The following VPS36 variants were observed in gnomAD, a reference collection of about 807,000 sequenced individuals.
VPS36 encodes the protein vacuolar protein sorting 36 homolog.
A neutral mutation model predicts 63.5 loss-of-function variants in VPS36; 31 were observed. The ratio of observed to expected loss-of-function variants is 0.49; its 90% CI spans 0.37 to 0.66. The LOEUF is 0.66. Among genes scored for constraint, VPS36 ranks in the 30% least tolerant of loss-of-function variants. The pLI, the probability that VPS36 is intolerant of heterozygous loss-of-function variation, is 0.00. For missense variants in VPS36, 338 were observed against 463.7 expected (o/e 0.73, Z 2.49); for synonymous variants, 138 against 157.2 (o/e 0.88, Z 0.91).
chr13:52,432,729 T>C (rs1422471904), intron 6 of VPS36, among the ~76,000 whole-genome samples: 1 of 152,084 alleles, frequency 6.6e-6, no homozygotes, highest in Non-Finnish European at 1.5e-5. Flanking sequence ...AGCTGCCAAT[T>C]TGGGGAAAAT....
At chr13:52,426,758 G>A (rs1958105129) in intron 8 of VPS36, among the ~76,000 whole-genome samples, 1 of 152,204 alleles carries the variant, frequency 6.6e-6, no homozygotes, top group African/African-American at 2.4e-5. Flanking sequence ...GGGACGCTGA[G>A]GCAGGAGAAT....
intron 6 of VPS36, among the ~76,000 whole-genome samples, chr13:52,432,416 A>C (rs1291226502): frequency 2.0e-5 from 3 of 152,230 alleles, no homozygotes; most frequent in Non-Finnish European, 4.4e-5. Flanking sequence ...AAAGATAATA[A>C]GGAAACAATT....
At chr13:52,436,450 AT>A (rs763813696) in intron 3 of VPS36, 46 bp from the exon 4 acceptor site, 1 of 1,285,682 alleles carries the variant, frequency 7.8e-7, no homozygotes, top group African/African-American at 1.5e-5. Context: ...TTTCAAAAAA[AT>A]ATAACTAATT....
chr13:52,428,364 T>A (rs1044379056), intron 6 of VPS36, among the ~76,000 whole-genome samples: 35 of 152,320 alleles, frequency 2.3e-4, no homozygotes, highest in Non-Finnish European at 3.7e-4. Flanking sequence ...AAACATATAA[T>A]AGTGGCTCTG....
intron 5 of VPS36, among the ~76,000 whole-genome samples, chr13:52,434,160 T>C (rs1391701678): frequency 6.6e-6 from 1 of 152,174 alleles, no homozygotes; most frequent in Admixed American, 6.6e-5. Context: ...CTAGTGTTGG[T>C]GATTAATTTA....
Position 52,450,527 on chromosome 13 carries a change from C to T in VPS36, c.68G>A (p.Gly23Glu). Residue 23 changes from glycine (G) to glutamate (E), a missense_variant, in exon 1 of 14, where the codon GGG (glycine) becomes GAG (glutamate). Transcript: ENST00000378060. ...CTCCTCGCCATCGTAGATTCGCACCCCGCGCTGCTGGATCACCAGGGTCTC... is the reference window on the plus strand; with the variant it reads ...CTCCTCGCCATCGTAGATTCGCACCTCGCGCTGCTGGATCACCAGGGTCTC... ...INETLVIQQR[G>E]VRIYDGEEKI... 1.3e-6 allele frequency: 2 copies of T among 1,595,204 alleles called. No individual in the cohort carries two copies. The highest frequency in any genetic ancestry group is 1.7e-6 in the Non-Finnish European group (2 of 1,171,202).
chr13:52,429,862 T>G (rs1419310921), intron 6 of VPS36, among the ~76,000 whole-genome samples: 2 of 151,892 alleles, frequency 1.3e-5, no homozygotes, highest in African/African-American at 2.4e-5. Context: ...AAAGCAACAA[T>G]GTAACCACAG....
At chr13:52,429,740 C>T (rs1337081606) in intron 6 of VPS36, among the ~76,000 whole-genome samples, 1 of 152,138 alleles carries the variant, frequency 6.6e-6, no homozygotes, top group Non-Finnish European at 1.5e-5. Flanking sequence ...AAATAACTTA[C>T]TTTATAAATT....
intron 10 of VPS36, 92 bp from the exon 11 acceptor site, chr13:52,418,148 T>G: frequency 1.7e-6 from 2 of 1,164,512 alleles, no homozygotes; most frequent in Non-Finnish European, 2.4e-6. Context: ...TATCAATAAT[T>G]TTAGGTGATT....
chr13:52,450,398 CG>C, intron 1 of VPS36, 100 bp downstream of exon 1: 1 of 1,333,026 alleles, frequency 7.5e-7, no homozygotes, highest in Non-Finnish European at 9.6e-7. Flanking sequence ...TGAGCTAAGC[CG>C]GGGACCGGGC....
rs1415143815 is a variant in VPS36, at chr13:52,413,684, GA to G, written c.*2145del. ...CTCATGCTCCTAAGAGCAAAGTTAGGAAAACAAAAAAATAATAATTATACCA... is the reference window on the plus strand; with the variant it reads ...CTCATGCTCCTAAGAGCAAAGTTAGGAAACAAAAAAATAATAATTATACCA... On this transcript the variant is annotated 3_prime_UTR_variant, in exon 14 of 14. Transcript: ENST00000378060. 2 of 152,120 alleles carry G rather than the reference GA, an allele frequency of 1.3e-5. No individual in the cohort carries two copies. Among genetic ancestry groups the G allele is most frequent in the Non-Finnish European group, 2.9e-5 (2 of 67,936 alleles). 9.4% of individuals were successfully genotyped at this position (152,120 alleles called of 1,614,324 possible). A position where few individuals can be genotyped will look rare whatever the true frequency, so the allele number is the denominator to read the frequency against.
chr13:52,446,456 G>A (rs1452064210), intron 1 of VPS36, among the ~76,000 whole-genome samples: 1 of 152,264 alleles, frequency 6.6e-6, no homozygotes, highest in East Asian at 1.9e-4. Flanking sequence ...TGAAGAAATT[G>A]TGTAACAGTT....
intron 1 of VPS36, among the ~76,000 whole-genome samples, chr13:52,445,555 C>T (rs936451625): frequency 2.0e-5 from 3 of 146,940 alleles, no homozygotes; most frequent in African/African-American, 5.1e-5. Context: ...AGGAGAATGG[C>T]GTGAACTCGG....
chr13:52,422,727 A>T (rs1378182542), intron 10 of VPS36, among the ~76,000 whole-genome samples: 1 of 152,216 alleles, frequency 6.6e-6, no homozygotes, highest in Non-Finnish European at 1.5e-5. Context: ...CAAAAGAATT[A>T]TCTTGCTCTT....
chr13:52,419,380 A>T (rs1201093904), intron 10 of VPS36, among the ~76,000 whole-genome samples: 1 of 152,254 alleles, frequency 6.6e-6, no homozygotes, highest in Admixed American at 6.5e-5. Context: ...TAACTATTGC[A>T]GAGGAAGGGC....
chr13:52,416,809 C>T (rs1257049478), intron 12 of VPS36, among the ~76,000 whole-genome samples: 1 of 152,146 alleles, frequency 6.6e-6, no homozygotes, highest in Non-Finnish European at 1.5e-5. Flanking sequence ...AAGAAAGCAC[C>T]TCACTCACTA....
intron 10 of VPS36, among the ~76,000 whole-genome samples, chr13:52,420,601 G>A (rs1351864439): frequency 6.6e-6 from 1 of 151,908 alleles, no homozygotes; most frequent in Admixed American, 6.5e-5. Flanking sequence ...CCAAAGTGCT[G>A]GGATTACAGG....
At chr13:52,423,043 C>T (rs1317678667) in intron 10 of VPS36, among the ~76,000 whole-genome samples, 1 of 152,200 alleles carries the variant, frequency 6.6e-6, no homozygotes, top group African/African-American at 2.4e-5. Flanking sequence ...CTGCCACCAT[C>T]CACGTAAGAT....
At position 52,413,962 on chromosome 13, in the gene VPS36, CTTAAG is replaced by C. The variant is rs964451373; in HGVS notation, c.*1863_*1867del. ...TATTTATATATCACTTTTCTTCCTT[CTTAAG>C]TTATTTTATACAATTCAGATTGCTC... On this transcript the variant is annotated 3_prime_UTR_variant, in exon 14 of 14. Transcript: ENST00000378060. The C allele has an allele frequency of 3.9e-5, 6 of 152,042 alleles. No individual in the cohort carries two copies. Among genetic ancestry groups the C allele is most frequent in the Non-Finnish European group, 7.4e-5 (5 of 68,014 alleles). The allele number at this position is 152,042 out of a possible 1,614,324, so 9.4% of individuals were successfully genotyped here.
Sources: allele counts gnomAD v4.1 joint callset (sites outside exome capture counted in the v4.1 genomes callset), GRCh38; gene constraint gnomAD v4.1.1; transcripts MANE v1.5; gene names NCBI Gene and HGNC (gene_info 2026-07-23, HGNC 2026-07-21).